The following AK8 variants were observed in gnomAD, a reference collection of about 807,000 sequenced individuals.
AK8 encodes ATP-AMP transphosphorylase 8.
Under a neutral mutation model 54.6 loss-of-function variants are expected in AK8, and 44 were observed. That is an observed-to-expected ratio of 0.81 (90% CI 0.63 to 1.04). AK8 has a LOEUF of 1.04. Among genes scored for constraint, AK8 ranks in the 50% least tolerant of loss-of-function variants. The pLI, the probability that AK8 is intolerant of heterozygous loss-of-function variation, is 0.00. For missense variants in AK8, 555 were observed against 613.6 expected (o/e 0.90, Z 1.01); for synonymous variants, 239 against 245.6 (o/e 0.97, Z 0.25).
Position 132,725,882 on chromosome 9 carries a change from C to G in AK8, c.1246G>C (p.Ala416Pro), listed in dbSNP as rs1453522124. ...YKPPPTMEIQ[A>P]RLLQNPKDAE... is the part of the protein sequence containing the mutation. ...TCCTTTGGGTTCTGCAGGAGGCGAG[C>G]CTGGATCTCCATGGTGGGAGGTGGC... Residue 416 changes from alanine to proline, a missense_variant, in exon 13 of 13, where the codon GCT (alanine) becomes CCT (proline). Ala to Pro is a conservative substitution (Grantham distance 27). Coordinates refer to ENST00000298545, the MANE Select transcript of AK8 (RefSeq NM_152572.3). 2.5e-6 allele frequency: 4 copies of G among 1,611,664 alleles called. No individual in the cohort carries two copies. The South Asian group carries it at 4.4e-5, about 18-fold the overall frequency.
At chr9:132,773,183 G>T (rs1351154712) in intron 11 of AK8, among the ~76,000 whole-genome samples, 1 of 152,178 alleles carries the variant, frequency 6.6e-6, no homozygotes. Flanking sequence ...AGAGTTGCCA[G>T]GCACATTCCT....
intron 12 of AK8, 147 bp downstream of exon 12, chr9:132,727,307 C>G: frequency 1.3e-6 from 1 of 749,708 alleles, no homozygotes. Context: ...CACAGAACAG[C>G]CAGTTGGATA....
intron 11 of AK8, among the ~76,000 whole-genome samples, chr9:132,758,988 C>T (rs569298838): frequency 1.3e-5 from 2 of 151,778 alleles, no homozygotes; most frequent in South Asian, 4.2e-4. Context: ...GCTTGAGCCC[C>T]AGAGTTCAAG....
intron 2 of AK8, among the ~76,000 whole-genome samples, chr9:132,870,176 T>A (rs1003181171): frequency 2.0e-5 from 3 of 152,158 alleles, no homozygotes; most frequent in African/African-American, 7.2e-5. Context: ...GGCACCCAAA[T>A]GGTACATGTC....
intron 11 of AK8, among the ~76,000 whole-genome samples, chr9:132,730,359 G>C (rs895662290): frequency 1.3e-5 from 2 of 151,992 alleles, no homozygotes; most frequent in Admixed American, 1.3e-4. Flanking sequence ...CAGGAAATGC[G>C]TGTGAAGGAA....
At chr9:132,797,692 G>A (rs1025100911) in intron 10 of AK8, among the ~76,000 whole-genome samples, 3 of 152,038 alleles carry the variant, frequency 2.0e-5, no homozygotes, top group Admixed American at 6.6e-5. Flanking sequence ...TGTGTTTAAC[G>A]TTTTCCACTA....
intron 5 of AK8, among the ~76,000 whole-genome samples, chr9:132,850,153 A>C (rs1411173786): frequency 6.8e-6 from 1 of 147,830 alleles, no homozygotes; most frequent in Non-Finnish European, 1.5e-5. Context: ...TCCTGGGTTC[A>C]AGCCATTCCC....
At position 132,837,321 on chromosome 9, in the gene AK8, A is replaced by G. The variant is rs1277692920; in HGVS notation, c.403-8595T>C. 4.1e-5 allele frequency among the ~76,000 whole-genome samples: 5 copies of G among 120,542 alleles called. No homozygotes were observed. The highest frequency in any genetic ancestry group is 1.4e-4 in the African/African-American group (4 of 29,608). 79.1% of individuals were successfully genotyped at this position (120,542 alleles called of 152,430 possible). On this transcript the variant is annotated intron_variant, in intron 5 of 12. Coordinates refer to ENST00000298545, the MANE Select transcript of AK8 (RefSeq NM_152572.3). This position sits in a 1 kb window ranked among gnomAD's most constrained non-coding sequence, Gnocchi z 4.3. ...GTGACAGAGCAAGACTCCATCTCGA[A>G]AAAAAAAAAAAAAAAAAGAATGAAA...
chr9:132,789,882 A>T (rs1210737290), intron 11 of AK8, among the ~76,000 whole-genome samples: 1 of 152,162 alleles, frequency 6.6e-6, no homozygotes, highest in Admixed American at 6.5e-5. Context: ...CTCTGCTTTT[A>T]AGGGTTTGTG....
chr9:132,751,349 C>T (rs1299083447), intron 11 of AK8, among the ~76,000 whole-genome samples: 1 of 147,494 alleles, frequency 6.8e-6, no homozygotes. Context: ...ATGTCACTGC[C>T]CTCCAGCCAG....
chr9:132,811,373 T>C (rs1588156768), intron 10 of AK8, among the ~76,000 whole-genome samples: 1 of 152,160 alleles, frequency 6.6e-6, no homozygotes, highest in South Asian at 2.1e-4. Context: ...GGAGGTGTGA[T>C]AGCAGAAGCA....
chr9:132,851,287 C>A (rs192688405), intron 5 of AK8, among the ~76,000 whole-genome samples: 1 of 152,334 alleles, frequency 6.6e-6, no homozygotes, highest in East Asian at 1.9e-4. Flanking sequence ...GCCTGAAACA[C>A]TGAAAGAGGG....
chr9:132,785,475 T>G (rs1194744549), intron 11 of AK8, among the ~76,000 whole-genome samples: 1 of 152,204 alleles, frequency 6.6e-6, no homozygotes, highest in Non-Finnish European at 1.5e-5. Flanking sequence ...TAAGGTTTAA[T>G]CAAGTCGTGT....
intron 4 of AK8, among the ~76,000 whole-genome samples, chr9:132,863,143 G>A (rs1843453929): frequency 6.6e-6 from 1 of 152,260 alleles, no homozygotes; most frequent in South Asian, 2.1e-4. Flanking sequence ...GGGAGGGACA[G>A]GGGGAATGGG....
intron 11 of AK8, among the ~76,000 whole-genome samples, chr9:132,753,619 C>A (rs1052741970): frequency 4.6e-5 from 7 of 152,204 alleles, no homozygotes; most frequent in Admixed American, 2.0e-4. Flanking sequence ...TGGCTTTAAG[C>A]CAGTTTCCTT....
Position 132,820,557 on chromosome 9 carries a change from G to A in AK8, c.889+2648C>T, listed in dbSNP as rs747786808. Among the ~76,000 whole-genome samples, 125 of 152,194 alleles carry A rather than the reference G, an allele frequency of 8.2e-4. 1 individual carries two copies. The highest frequency in any genetic ancestry group is 3.7e-4 in the Non-Finnish European group (25 of 68,044). On this transcript the variant is annotated intron_variant, in intron 9 of 12. Transcript: ENST00000298545. Reference sequence around the variant, plus strand: ...CTGCCACATCTCTCCTTACATATCTGAGTGTTGGAGCAGAATAAACTCCTA... The same window carrying A: ...CTGCCACATCTCTCCTTACATATCTAAGTGTTGGAGCAGAATAAACTCCTA...
At chr9:132,754,248 G>C (rs1590199139) in intron 11 of AK8, among the ~76,000 whole-genome samples, 1 of 152,236 alleles carries the variant, frequency 6.6e-6, no homozygotes, top group Admixed American at 6.5e-5. Flanking sequence ...CCACAAGCAA[G>C]CACAGAGATG....
chr9:132,756,685 T>G (rs1384742106), intron 11 of AK8, among the ~76,000 whole-genome samples: 2 of 152,152 alleles, frequency 1.3e-5, no homozygotes, highest in Non-Finnish European at 2.9e-5. Context: ...ATTGTCCCAC[T>G]CTTTGAAGCT....
At chr9:132,832,063 GAAAAA>G (rs11284701) in intron 5 of AK8, among the ~76,000 whole-genome samples, 91 of 12,382 alleles carry the variant, frequency 7.3e-3, no homozygotes, top group African/African-American at 0.026. Context: ...CCTTGTCTCT[GAAAAA>G]AAAAAAAAAA....
Sources: gnomAD v4.1 joint callset for allele counts (sites outside exome capture counted in the v4.1 genomes callset) on GRCh38, gnomAD v4.1.1 for gene constraint, Gnocchi (gnomAD v3.1) non-coding constraint, MANE v1.5 for transcripts, NCBI Gene and HGNC (gene_info 2026-07-23, HGNC 2026-07-21) for gene names.